The following THADA variants were observed in gnomAD, a reference collection of about 807,000 sequenced individuals.
The protein encoded by THADA is THADA armadillo repeat containing.
A neutral mutation model predicts 219.8 loss-of-function variants in THADA; 213 were observed. That is an observed-to-expected ratio of 0.97 (90% CI 0.87 to 1.09). The LOEUF (loss-of-function observed/expected upper bound fraction) is 1.09, where lower values mean the gene tolerates loss of function less well. THADA is among the 50% of genes least tolerant of loss of function. The probability of loss-of-function intolerance (pLI) is 0.00; values close to 1 mark genes in which losing one functional copy is unlikely to be tolerated. For missense variants in THADA, 2,956 were observed against 2,311.3 expected (o/e 1.28, Z -5.72); for synonymous variants, 1,018 against 828.9 (o/e 1.23, Z -3.92).
Position 43,572,816 on chromosome 2 carries a change from G to C in THADA, c.1906C>G (p.Gln636Glu), listed in dbSNP as rs1437654206. Residue 636 changes from glutamine to glutamate, a missense_variant and splice_region_variant, in exon 12 of 38, where the codon CAA becomes GAA. Coordinates refer to ENST00000405975, the MANE Select transcript of THADA (RefSeq NM_022065.5). The part of the protein sequence containing the change: ...IKQGLIHQHC[Q>E]VRIDTLGLLC... Reference sequence around the variant, plus strand: ...TCCAGGTAATTTTCTTTACTTACTTGGCAATGCTGATGAATTAAGCCTTGC... The same window carrying C: ...TCCAGGTAATTTTCTTTACTTACTTCGCAATGCTGATGAATTAAGCCTTGC... 1 of 1,613,036 alleles carries C rather than the reference G, an allele frequency of 6.2e-7. No individual in the cohort carries two copies. The highest frequency in any genetic ancestry group is 8.5e-7 in the Non-Finnish European group (1 of 1,179,492).
At chr2:43,573,377 T>C (rs563245583) in intron 11 of THADA, among the ~76,000 whole-genome samples, 4 of 152,138 alleles carry the variant, frequency 2.6e-5, no homozygotes, top group African/African-American at 9.7e-5. Context: ...TGAACCTCTC[T>C]GCATATTTTA....
rs1462300721 is a variant in THADA, at chr2:43,397,982, T to A, written c.4216A>T (p.Thr1406Ser). 6.2e-7 allele frequency: 1 copy of A among 1,613,884 alleles called. No homozygotes were observed. Among genetic ancestry groups the A allele is most frequent in the East Asian group, 2.2e-5 (1 of 44,888 alleles). ...GCAACTTTACTTACCTGGAGAAGTG[T>A]CCCATGAATGTGGTTTTGCCGGAAA... The part of the protein sequence containing the change: ...QCFRQNHIHG[T>S]LLQVFHLLQA... Residue 1406 changes from threonine to serine, a missense_variant, in exon 29 of 38, where the codon ACA becomes TCA. Thr to Ser is a moderately conservative substitution (Grantham distance 58). Transcript: ENST00000405975.
At chr2:43,448,579 T>TG (rs4015298) in intron 26 of THADA, among the ~76,000 whole-genome samples, 1 of 141,246 alleles carries the variant, frequency 7.1e-6, no homozygotes, top group Non-Finnish European at 1.5e-5. Flanking sequence ...TTTTTTTTTT[T>TG]GCTTTTATTT....
chr2:43,341,075 G>A (rs191953228), intron 30 of THADA, among the ~76,000 whole-genome samples: 27 of 152,286 alleles, frequency 1.8e-4, no homozygotes, highest in Non-Finnish European at 2.9e-5. Flanking sequence ...CTGGCAGTAT[G>A]TTTTCCTTCC....
chr2:43,428,759 C>T (rs143349373), intron 27 of THADA, among the ~76,000 whole-genome samples: 1 of 152,172 alleles, frequency 6.6e-6, no homozygotes, highest in African/African-American at 2.4e-5. Flanking sequence ...CGTACAGGAT[C>T]CTCTTCTCAA....
chr2:43,507,779 C>G (rs1462135894), intron 23 of THADA, among the ~76,000 whole-genome samples: 1 of 152,112 alleles, frequency 6.6e-6, no homozygotes. Context: ...AGGATGGGGT[C>G]TGATTTAGTA....
intron 29 of THADA, among the ~76,000 whole-genome samples, chr2:43,356,378 G>C (rs1668873903): frequency 6.6e-6 from 1 of 152,072 alleles, no homozygotes; most frequent in African/African-American, 2.4e-5. Flanking sequence ...GCAGGTAAAA[G>C]TGTTTTTTAA....
intron 20 of THADA, among the ~76,000 whole-genome samples, chr2:43,542,013 A>C (rs1204615608): frequency 6.6e-6 from 1 of 152,226 alleles, no homozygotes; most frequent in African/African-American, 2.4e-5. Flanking sequence ...AATCAAAGGA[A>C]AATACAAATT....
chr2:43,489,900 A>AAGGGATT (rs1335929332), intron 25 of THADA, among the ~76,000 whole-genome samples: 1 of 151,224 alleles, frequency 6.6e-6, no homozygotes, highest in Non-Finnish European at 1.5e-5. Context: ...AAAAAGCTAG[A>AAGGGATT]AGGGATTTAA....
At chr2:43,243,962 C>T (rs1668872036) in intron 36 of THADA, among the ~76,000 whole-genome samples, 1 of 151,970 alleles carries the variant, frequency 6.6e-6, no homozygotes, top group Non-Finnish European at 1.5e-5. Context: ...ATTATGAAAC[C>T]AGAAATACCC....
At chr2:43,330,153 T>C (rs1679794568) in intron 30 of THADA, among the ~76,000 whole-genome samples, 3 of 152,318 alleles carry the variant, frequency 2.0e-5, no homozygotes, top group Admixed American at 2.0e-4. Flanking sequence ...GTTTTCTGGC[T>C]AGAGGCTTTC....
chr2:43,445,342 T>C (rs1487902262), intron 26 of THADA, among the ~76,000 whole-genome samples: 1 of 152,262 alleles, frequency 6.6e-6, no homozygotes, highest in Non-Finnish European at 1.5e-5. Context: ...TCTCTGATTC[T>C]GCTCTTGGAA....
At chr2:43,591,533 AACCAGTAAT>A (rs1181327059) in intron 3 of THADA, among the ~76,000 whole-genome samples, 3 of 152,140 alleles carry the variant, frequency 2.0e-5, no homozygotes, top group Non-Finnish European at 2.9e-5. Flanking sequence ...ACTATTAAAA[AACCAGTAAT>A]ACATTTACTT....
intron 26 of THADA, among the ~76,000 whole-genome samples, chr2:43,467,429 G>A (rs1684394651): frequency 6.6e-6 from 1 of 152,122 alleles, no homozygotes; most frequent in African/African-American, 2.4e-5. Flanking sequence ...ACAGGACATA[G>A]TATGTAAAAG....
chr2:43,320,595 G>C (rs1315467769), intron 30 of THADA, 55 bp from the exon 31 acceptor site: 2 of 1,351,366 alleles, frequency 1.5e-6, no homozygotes, highest in African/African-American at 1.4e-5. Flanking sequence ...TTAGGTCTGG[G>C]TCTCAGGAAG....
At chr2:43,422,624 G>T (rs979751223) in intron 28 of THADA, among the ~76,000 whole-genome samples, 1 of 152,136 alleles carries the variant, frequency 6.6e-6, no homozygotes, top group Non-Finnish European at 1.5e-5. Context: ...CCCTCATTTT[G>T]TATGTATATA....
chr2:43,255,587 G>A (rs1159512571), intron 36 of THADA, among the ~76,000 whole-genome samples: 1 of 152,184 alleles, frequency 6.6e-6, no homozygotes, highest in Non-Finnish European at 1.5e-5. Flanking sequence ...GGAGGCTCTG[G>A]CTAAACCTCT....
intron 14 of THADA, among the ~76,000 whole-genome samples, chr2:43,568,429 C>G (rs1483340561): frequency 6.6e-6 from 1 of 152,108 alleles, no homozygotes; most frequent in Non-Finnish European, 1.5e-5. Context: ...CAATATAGTG[C>G]CAAGGTCACA....
chr2:43,352,355 C>T (rs1226289383), intron 29 of THADA, among the ~76,000 whole-genome samples: 1 of 151,998 alleles, frequency 6.6e-6, no homozygotes, highest in East Asian at 1.9e-4. Context: ...GTCAGGAGTT[C>T]GAGACCAGCC....
Sources: allele counts gnomAD v4.1 joint callset (sites outside exome capture counted in the v4.1 genomes callset), GRCh38; gene constraint gnomAD v4.1.1; transcripts MANE v1.5; gene names NCBI Gene and HGNC (gene_info 2026-07-23, HGNC 2026-07-21).